The following DLG2 variants were observed in gnomAD, a reference collection of about 807,000 sequenced individuals.
DLG2 encodes disks large homolog 2.
In DLG2, 45 loss-of-function variants were observed where a neutral mutation model predicts 132.5. The observed-to-expected ratio is 0.34, with a 90% CI of 0.27 to 0.44. The LOEUF is 0.44. DLG2 is among the 20% of genes least tolerant of loss of function. DLG2 has a pLI of 1.00. For missense variants in DLG2, 1,045 were observed against 1,196.9 expected (o/e 0.87, Z 1.87); for synonymous variants, 424 against 419.6 (o/e 1.01, Z -0.13).
At chr11:84,319,480 A>T (rs2098391052) in intron 7 of DLG2, among the ~76,000 whole-genome samples, 1 of 152,202 alleles carries the variant, frequency 6.6e-6, no homozygotes, top group African/African-American at 2.4e-5. Flanking sequence ...TGGCATCTTC[A>T]GGGAACACAT....
At chr11:85,458,776 G>A (rs959595936) in intron 3 of DLG2, among the ~76,000 whole-genome samples, 1 of 152,160 alleles carries the variant, frequency 6.6e-6, no homozygotes, top group African/African-American at 2.4e-5. Context: ...TCAACAGTGT[G>A]GCTCCTCTTT....
intron 8 of DLG2, among the ~76,000 whole-genome samples, chr11:84,212,210 G>T (rs1296956986): frequency 6.6e-6 from 1 of 152,170 alleles, no homozygotes; most frequent in Non-Finnish European, 1.5e-5. Flanking sequence ...GAGCTCAACT[G>T]TATGAAAATT....
chr11:84,483,243 G>T (rs1290839630), intron 7 of DLG2, among the ~76,000 whole-genome samples: 3 of 151,928 alleles, frequency 2.0e-5, no homozygotes, highest in Admixed American at 1.3e-4. Flanking sequence ...GACCAGCCTG[G>T]CCAACCTAGT....
chr11:84,359,448 G>C (rs780363850), intron 7 of DLG2, among the ~76,000 whole-genome samples: 1 of 151,846 alleles, frequency 6.6e-6, no homozygotes, highest in Non-Finnish European at 1.5e-5. Flanking sequence ...ATATAAAAGA[G>C]TTAATACATT....
intron 18 of DLG2, among the ~76,000 whole-genome samples, chr11:83,768,863 C>G (rs1417915956): frequency 6.6e-6 from 1 of 152,186 alleles, no homozygotes; most frequent in Non-Finnish European, 1.5e-5. Context: ...TGTTGGCCCC[C>G]TCTTGGAGAT....
intron 3 of DLG2, among the ~76,000 whole-genome samples, chr11:85,430,060 G>C (rs577852471): frequency 2.6e-5 from 4 of 152,194 alleles, no homozygotes; most frequent in African/African-American, 4.8e-5. Context: ...CCTTTGTAAG[G>C]ACATGGATGA....
At chr11:84,262,127 T>C (rs1274580305) in intron 7 of DLG2, among the ~76,000 whole-genome samples, 1 of 152,144 alleles carries the variant, frequency 6.6e-6, no homozygotes, top group East Asian at 1.9e-4. Context: ...ATCTTATAGA[T>C]AAGGAAAGTG....
intron 6 of DLG2, among the ~76,000 whole-genome samples, chr11:84,934,136 G>T (rs2048409469): frequency 6.6e-6 from 1 of 151,882 alleles, no homozygotes; most frequent in Non-Finnish European, 1.5e-5. Flanking sequence ...TAATCATGTG[G>T]TTTTTGTCTT....
At chr11:85,376,606 C>T (rs2085424856) in intron 3 of DLG2, among the ~76,000 whole-genome samples, 1 of 152,062 alleles carries the variant, frequency 6.6e-6, no homozygotes, top group Non-Finnish European at 1.5e-5. Flanking sequence ...ACTTGGTTGT[C>T]CTTTGTAAAC....
At chr11:84,348,730 A>G (rs1023807951) in intron 7 of DLG2, among the ~76,000 whole-genome samples, 2 of 152,226 alleles carry the variant, frequency 1.3e-5, no homozygotes, top group Non-Finnish European at 1.5e-5. Flanking sequence ...TTAAGAGGTC[A>G]TTAGAGTGAG....
intron 7 of DLG2, among the ~76,000 whole-genome samples, chr11:84,281,737 T>C (rs1188119317): frequency 1.3e-5 from 2 of 151,884 alleles, no homozygotes; most frequent in African/African-American, 4.8e-5. Context: ...AGTGAAGATA[T>C]AGGTATCAAA....
chr11:83,678,230 T>C (rs187520912), intron 18 of DLG2, among the ~76,000 whole-genome samples: 20 of 152,280 alleles, frequency 1.3e-4, no homozygotes, highest in Admixed American at 1.2e-3. Context: ...TGATTTCTTT[T>C]GGGTTAATGG....
At position 84,928,982 on chromosome 11, in the gene DLG2, G is replaced by GTGTGTATATATATA. The variant is rs1400906684; in HGVS notation, c.357+182678_357+182679insTATATATATACACA. On this transcript the variant is annotated intron_variant, in intron 6 of 27. Transcript: ENST00000376104. ...TATGTGTGTGTGTGTGTGTGTGTGT[G>GTGTGTATATATATA]TATATATATATATATATATATATAT... Among the ~76,000 whole-genome samples the GTGTGTATATATATA allele has an allele frequency of 3.2e-3, 156 of 49,106 alleles. 1 individual carries two copies. Among genetic ancestry groups the GTGTGTATATATATA allele is most frequent in the Non-Finnish European group, 4.1e-3 (115 of 28,158 alleles). 32.2% of individuals were successfully genotyped at this position (49,106 alleles called of 152,430 possible).
chr11:85,258,612 C>T (rs564291168), intron 4 of DLG2, among the ~76,000 whole-genome samples: 1 of 152,180 alleles, frequency 6.6e-6, no homozygotes, highest in African/African-American at 2.4e-5. Context: ...TAAGCATATA[C>T]CAGGTAACTT....
At chr11:84,341,074 C>T (rs1417835723) in intron 7 of DLG2, among the ~76,000 whole-genome samples, 1 of 152,136 alleles carries the variant, frequency 6.6e-6, no homozygotes, top group Non-Finnish European at 1.5e-5. Context: ...GAACCTATAA[C>T]TGCTAAGGAT....
intron 6 of DLG2, among the ~76,000 whole-genome samples, chr11:85,006,340 G>A (rs112522654): frequency 1.3e-5 from 2 of 152,200 alleles, no homozygotes; most frequent in Admixed American, 6.5e-5. Context: ...GAATTCAGCT[G>A]TGAATCCATC....
At chr11:84,036,881 G>C (rs2095877028) in intron 11 of DLG2, among the ~76,000 whole-genome samples, 1 of 152,102 alleles carries the variant, frequency 6.6e-6, no homozygotes. Flanking sequence ...TCATCAGCTA[G>C]GTCGGTGTGT....
At chr11:85,211,963 CTGAT>C (rs1304739224) in intron 4 of DLG2, among the ~76,000 whole-genome samples, 1 of 152,038 alleles carries the variant, frequency 6.6e-6, no homozygotes, top group Admixed American at 6.6e-5. Flanking sequence ...AAAATAATGA[CTGAT>C]TAATTAAATG....
At chr11:84,889,892 G>C (rs2089044156) in intron 6 of DLG2, among the ~76,000 whole-genome samples, 1 of 152,144 alleles carries the variant, frequency 6.6e-6, no homozygotes. Context: ...GCAGATGAGG[G>C]AACACACCAC....
Sources: allele counts gnomAD v4.1 joint callset (sites outside exome capture counted in the v4.1 genomes callset), GRCh38; gene constraint gnomAD v4.1.1; transcripts MANE v1.5; gene names NCBI Gene and HGNC (gene_info 2026-07-23, HGNC 2026-07-21).